STXBP4: variants seen among roughly 807,000 people sequenced by gnomAD.
STXBP4 encodes the protein syntaxin-binding protein 4.
A neutral mutation model predicts 76.1 loss-of-function variants in STXBP4; 55 were observed. That is an observed-to-expected ratio of 0.72 (90% CI 0.58 to 0.91). STXBP4 has a LOEUF of 0.91. Ranked by LOEUF, STXBP4 falls within the 40% of genes least tolerant of loss-of-function variation. The probability of loss-of-function intolerance (pLI) is 0.00; values close to 1 mark genes in which losing one functional copy is unlikely to be tolerated. For missense variants in STXBP4, 618 were observed against 636.9 expected, an observed-to-expected ratio of 0.97 and a Z score of 0.32; for synonymous variants, 201 against 220.2, an observed-to-expected ratio of 0.91 and a Z score of 0.77.
chr17:55,064,686 A>G (rs2079028959), intron 12 of STXBP4, among the ~76,000 whole-genome samples: 1 of 152,026 alleles, frequency 6.6e-6, no homozygotes, highest in Non-Finnish European at 1.5e-5. Context: ...TTGTACTTTT[A>G]GTAGAGACAG....
chr17:55,177,022 A>G (rs977248471), downstream of STXBP4, among the ~76,000 whole-genome samples: 2 of 152,054 alleles, frequency 1.3e-5, no homozygotes, highest in Non-Finnish European at 2.9e-5. Flanking sequence ...TCAGACTGGG[A>G]CCAAATTACA....
At chr17:54,971,939 T>C (rs2077406647) in intron 1 of STXBP4, among the ~76,000 whole-genome samples, 1 of 152,104 alleles carries the variant, frequency 6.6e-6, no homozygotes, top group Non-Finnish European at 1.5e-5. Context: ...TTCATGACTT[T>C]GACATTTTTG....
chr17:55,167,538 A>G lies in STXBP4; in HGVS notation c.*7627A>G, dbSNP rs2080382739. The G allele has an allele frequency of 6.6e-6, 1 of 152,228 alleles. No homozygotes were observed. The highest frequency in any genetic ancestry group is 1.5e-5 in the Non-Finnish European group (1 of 68,050). The allele number at this position is 152,228 out of a possible 1,614,324, so 9.4% of individuals were successfully genotyped here. On this transcript the variant is annotated 3_prime_UTR_variant, in exon 18 of 18. Transcript: ENST00000376352. ...ATAAAACTCACAGTATGATCGCAGT[A>G]AAAGGATTGTAAAGCACATACTCAC...
intron 16 of STXBP4, among the ~76,000 whole-genome samples, chr17:55,112,307 G>A (rs2079730060): frequency 6.6e-6 from 1 of 152,026 alleles, no homozygotes; most frequent in Non-Finnish European, 1.5e-5. Context: ...TTTCTAATAG[G>A]ACTTATTGGC....
At chr17:55,155,255 A>T (rs1160358888) in intron 17 of STXBP4, among the ~76,000 whole-genome samples, 1 of 152,062 alleles carries the variant, frequency 6.6e-6, no homozygotes, top group Admixed American at 6.6e-5. Context: ...ATGCTGCTTT[A>T]TCATGGTTTG....
Position 55,052,418 on chromosome 17 carries a change from A to C in STXBP4, c.1011+5264A>C, listed in dbSNP as rs970114463. ...CACGGTATCATTCGTAAATTGATTAATTAATTAATAGGGAGAAAGGAGTAC... is the reference window on the plus strand; with the variant it reads ...CACGGTATCATTCGTAAATTGATTACTTAATTAATAGGGAGAAAGGAGTAC... On this transcript the variant is annotated intron_variant, in intron 12 of 17. Transcript: ENST00000376352. Among the ~76,000 whole-genome samples, 4 of 152,158 alleles carry C rather than the reference A, an allele frequency of 2.6e-5. No individual in the cohort carries two copies. The East Asian group carries it at 7.7e-4, about 29-fold the overall frequency.
At chr17:54,981,129 A>G (rs1484614011) in intron 1 of STXBP4, among the ~76,000 whole-genome samples, 1 of 152,168 alleles carries the variant, frequency 6.6e-6, no homozygotes, top group Non-Finnish European at 1.5e-5. Flanking sequence ...ATTCCTGGAT[A>G]GGAAGACTCA....
At chr17:54,971,311 T>C (rs749251326) in intron 1 of STXBP4, among the ~76,000 whole-genome samples, 2 of 152,210 alleles carry the variant, frequency 1.3e-5, no homozygotes, top group African/African-American at 2.4e-5. Context: ...GACTGGTTGC[T>C]TAAACAACAG....
At chr17:55,145,452 C>G (rs940870351) in intron 17 of STXBP4, among the ~76,000 whole-genome samples, 7 of 152,182 alleles carry the variant, frequency 4.6e-5, no homozygotes, top group Non-Finnish European at 1.0e-4. Flanking sequence ...TCACTGCCTT[C>G]CCAGAAATTG....
the STXBP4 span, among the ~76,000 whole-genome samples, chr17:55,191,497 G>T: frequency 6.6e-6 from 1 of 152,006 alleles, no homozygotes; most frequent in Non-Finnish European, 1.5e-5. Context: ...CCAAATAGTG[G>T]TCCCTCAACA....
At chr17:55,209,504 G>A in the STXBP4 span, among the ~76,000 whole-genome samples, 1 of 152,210 alleles carries the variant, frequency 6.6e-6, no homozygotes, top group Non-Finnish European at 1.5e-5. Context: ...ACTTGGGCAA[G>A]TTGTGCCTCA....
chr17:55,063,155 C>T (rs1424421843), intron 12 of STXBP4, among the ~76,000 whole-genome samples: 2 of 152,180 alleles, frequency 1.3e-5, no homozygotes, highest in African/African-American at 4.8e-5. Context: ...GCGCAGACAC[C>T]AACCATACCT....
At chr17:55,022,301 A>AT (rs60746470) in intron 8 of STXBP4, among the ~76,000 whole-genome samples, 40 of 147,352 alleles carry the variant, frequency 2.7e-4, no homozygotes, top group Middle Eastern at 3.4e-3. Context: ...ACTTTCTGTT[A>AT]TTTTTTTTTT....
intron 1 of STXBP4, among the ~76,000 whole-genome samples, chr17:54,983,176 T>G (rs2077574370): frequency 6.6e-6 from 1 of 152,224 alleles, no homozygotes; most frequent in South Asian, 2.1e-4. Context: ...CCATACTCCC[T>G]GTGTATACTG....
intron 14 of STXBP4, among the ~76,000 whole-genome samples, 191 bp downstream of exon 14, chr17:55,078,385 A>G (rs1192459220): frequency 6.6e-6 from 1 of 152,190 alleles, no homozygotes; most frequent in African/African-American, 2.4e-5. Context: ...TTGTTTAGAG[A>G]AATAATTGAG....
At chr17:55,063,761 G>C (rs1244058370) in intron 12 of STXBP4, among the ~76,000 whole-genome samples, 1 of 152,092 alleles carries the variant, frequency 6.6e-6, no homozygotes, top group Non-Finnish European at 1.5e-5. Context: ...ATCTATATAG[G>C]AAAGTAGGCA....
intron 7 of STXBP4, 42 bp downstream of exon 7, chr17:55,000,925 A>G (rs779525250): frequency 4.5e-5 from 59 of 1,323,264 alleles, no homozygotes; most frequent in East Asian, 7.0e-5. Flanking sequence ...TTTTATTTCA[A>G]TTCTCTCTCA....
the STXBP4 span, among the ~76,000 whole-genome samples, chr17:55,208,356 T>C: frequency 1.3e-5 from 2 of 152,096 alleles, no homozygotes; most frequent in African/African-American, 4.8e-5. Flanking sequence ...GCTGTGTAGG[T>C]GTTTATAAGA....
intron 12 of STXBP4, among the ~76,000 whole-genome samples, chr17:55,063,608 A>G (rs1353164091): frequency 6.6e-6 from 1 of 152,234 alleles, no homozygotes; most frequent in Admixed American, 6.5e-5. Flanking sequence ...CGTGCTTTAT[A>G]TGGAGTCATT....
Sources: allele counts gnomAD v4.1 joint callset (sites outside exome capture counted in the v4.1 genomes callset), GRCh38; gene constraint gnomAD v4.1.1; transcripts MANE v1.5; gene names NCBI Gene and HGNC (gene_info 2026-07-23, HGNC 2026-07-21).